The following DTX2 variants were observed in gnomAD, a reference collection of about 807,000 sequenced individuals.
DTX2 encodes the protein deltex E3 ubiquitin ligase 2.
In DTX2, 29 loss-of-function variants were observed where a neutral mutation model predicts 55.3. That is an observed-to-expected ratio of 0.52 (90% CI 0.39 to 0.71). DTX2 has a LOEUF of 0.71. Ranked by LOEUF, DTX2 falls within the 30% of genes least tolerant of loss-of-function variation. The pLI, the probability that DTX2 is intolerant of heterozygous loss-of-function variation, is 0.00. For missense variants in DTX2, 537 were observed against 822.5 expected (o/e 0.65, Z 4.25); for synonymous variants, 276 against 340.4 (o/e 0.81, Z 2.08).
intron 2 of DTX2, among the ~76,000 whole-genome samples, chr7:76,479,734 G>A (rs764137584): frequency 1.4e-4 from 21 of 151,422 alleles, no homozygotes; most frequent in Non-Finnish European, 2.4e-4. Flanking sequence ...GCAGTGAGCC[G>A]AGATCACACG....
In DTX2 at chr7:76,505,333, C is replaced by A. The variant is rs1279264754; in HGVS notation, c.1642-41C>A. The stretch of plus-strand genomic sequence containing the variant: ...CTGCTCACTGAGCCCCTCTCACTCT[C>A]CGTCCCCTCCTTCCTCTTCCCCCTC... On this transcript the variant is annotated intron_variant, in intron 10 of 10. Transcript: ENST00000430490. This position sits in a 1 kb window ranked among gnomAD's most constrained non-coding sequence, Gnocchi z 4.4. 2.6e-6 allele frequency: 4 copies of A among 1,512,906 alleles called. No homozygotes were observed. Among genetic ancestry groups the A allele is most frequent in the Non-Finnish European group, 3.6e-6 (4 of 1,115,090 alleles). The allele number at this position is 1,512,906 out of a possible 1,614,324, so 93.7% of individuals were successfully genotyped here.
intron 4 of DTX2, among the ~76,000 whole-genome samples, chr7:76,490,981 GCTATGAGAAC>G (rs1810344693): frequency 8.2e-6 from 1 of 122,080 alleles, no homozygotes; most frequent in Non-Finnish European, 1.7e-5. Flanking sequence ...CTAAACAGGT[GCTATGAGAAC>G]CTGCTTTTTT....
At chr7:76,475,259 C>G (rs190310682) in intron 2 of DTX2, among the ~76,000 whole-genome samples, 3 of 151,538 alleles carry the variant, frequency 2.0e-5, no homozygotes, top group Non-Finnish European at 4.4e-5. Flanking sequence ...TGCAGTGAGC[C>G]GAGATCACGC....
intron 5 of DTX2, among the ~76,000 whole-genome samples, chr7:76,495,477 C>T (rs1202303995): frequency 3.3e-5 from 5 of 152,088 alleles, no homozygotes; most frequent in Non-Finnish European, 7.4e-5. Context: ...GGGGGCTGTC[C>T]CTAGCCCTCC....
intron 2 of DTX2, chr7:76,471,177 T>TTTTTG: frequency 1.7e-6 from 1 of 596,990 alleles, no homozygotes; most frequent in Non-Finnish European, 2.9e-6. Context: ...TTTTTTTTTT[T>TTTTTG]TTGAGACGGA....
intron 2 of DTX2, among the ~76,000 whole-genome samples, chr7:76,477,566 C>A (rs1221005084): frequency 6.6e-6 from 1 of 151,184 alleles, no homozygotes; most frequent in Non-Finnish European, 1.5e-5. Context: ...CAAGATGATA[C>A]AATAGCCAGG....
At chr7:76,478,235 C>T (rs1358258840) in intron 2 of DTX2, 1 of 142,950 alleles carries the variant, frequency 7.0e-6, no homozygotes, top group African/African-American at 2.6e-5. Flanking sequence ...AGTCGCATGG[C>T]TTGTGATAAG....
chr7:76,481,979 C>T (rs1627895), intron 3 of DTX2, among the ~76,000 whole-genome samples: 81,475 of 151,232 alleles, frequency 0.54, 22,470 homozygotes, highest in African/African-American at 0.63. Context: ...ATTACAGGCT[C>T]GAGCCGTCAT....
Position 76,481,559 on chromosome 7 carries a change from T to C in DTX2, c.268+782T>C, listed in dbSNP as rs538891213. Among the ~76,000 whole-genome samples the C allele has an allele frequency of 7.9e-5, 12 of 152,228 alleles. No individual in the cohort carries two copies. The East Asian group carries it at 2.3e-3, about 29-fold the overall frequency. On this transcript the variant is annotated intron_variant, in intron 3 of 10. Transcript: ENST00000430490. ...CTCTCGGAGCCATCCCTTACTCTAA[T>C]CTGGTGGTTGTCACTGGGGGTGATT...
intron 2 of DTX2, among the ~76,000 whole-genome samples, chr7:76,465,230 C>T (rs1258043561): frequency 3.5e-5 from 5 of 144,296 alleles, no homozygotes; most frequent in African/African-American, 1.4e-4. Flanking sequence ...CAGGGTGAAG[C>T]AGAGTCATGG....
At chr7:76,503,352 C>T (rs1811949334) in intron 8 of DTX2, 74 bp from the exon 9 acceptor site, 14 of 1,514,832 alleles carry the variant, frequency 9.2e-6, no homozygotes, top group Middle Eastern at 2.3e-4. Context: ...GGCCCTTTAC[C>T]ATCTGACGGT....
chr7:76,504,622 A>G (rs1812137093), intron 10 of DTX2, among the ~76,000 whole-genome samples, 177 bp downstream of exon 10: 1 of 152,192 alleles, frequency 6.6e-6, no homozygotes, highest in East Asian at 1.9e-4. Context: ...TGGACCTCAC[A>G]TAGCCTCGAG....
At chr7:76,481,458 A>G (rs1809201129) in intron 3 of DTX2, among the ~76,000 whole-genome samples, 2 of 152,242 alleles carry the variant, frequency 1.3e-5, no homozygotes, top group East Asian at 1.9e-4. Context: ...AAGTGCTGGG[A>G]TTACAAGCAT....
chr7:76,464,921 T>C (rs529710593), intron 2 of DTX2, among the ~76,000 whole-genome samples: 18 of 150,986 alleles, frequency 1.2e-4, no homozygotes, highest in African/African-American at 4.0e-4. Flanking sequence ...TCATTCTTTT[T>C]GTTGTTGTTG....
chr7:76,501,410 A>C, intron 7 of DTX2: 1 of 385,314 alleles, frequency 2.6e-6, no homozygotes, highest in Non-Finnish European at 5.1e-6. Context: ...CCTGGTGTCC[A>C]TCTGGTGTGA....
At chr7:76,468,758 A>ATT (rs3972784) in intron 2 of DTX2, among the ~76,000 whole-genome samples, 523 of 27,020 alleles carry the variant, frequency 0.019, 54 homozygotes, top group African/African-American at 0.098. Context: ...CACGCCCAGC[A>ATT]TTTTTTTTTT....
At chr7:76,482,378 C>A in intron 3 of DTX2, 130 bp from the exon 4 acceptor site, 1 of 1,092,828 alleles carries the variant, frequency 9.2e-7, no homozygotes, top group Non-Finnish European at 1.3e-6. Flanking sequence ...AATAAATAAA[C>A]AAATAGCAGC....
chr7:76,480,716 C>T lies in DTX2; in HGVS notation c.207C>T (p.Asp69=). 6.2e-7 allele frequency: 1 copy of T among 1,613,520 alleles called. No individual in the cohort carries two copies. ...LAHSIPLGQA[D]PSLAPYIIDL... ...ACAGCATCCCCTTGGGCCAGGCAGA[C>T]CCCTCGCTGGCCCCTTACATTATTG... is the stretch of plus-strand genomic sequence containing the variant. The change falls in exon 3 of 11, where the codon GAC becomes GAT. Residue 69 remains aspartate (D), a synonymous_variant. Transcript: ENST00000430490.
chr7:76,499,566 G>A (rs1375586581), intron 6 of DTX2, among the ~76,000 whole-genome samples: 1 of 150,218 alleles, frequency 6.7e-6, no homozygotes, highest in East Asian at 2.0e-4. Flanking sequence ...ACCTTGGGGT[G>A]GAGCCCCTGT....
Sources: gnomAD v4.1 joint callset for allele counts (sites outside exome capture counted in the v4.1 genomes callset) on GRCh38, gnomAD v4.1.1 for gene constraint, Gnocchi (gnomAD v3.1) non-coding constraint, MANE v1.5 for transcripts, NCBI Gene and HGNC (gene_info 2026-07-23, HGNC 2026-07-21) for gene names.